CDH23: variants seen among roughly 807,000 people sequenced by gnomAD.
CDH23 encodes cadherin-23.
Under a neutral mutation model 317.1 loss-of-function variants are expected in CDH23, and 189 were observed. The ratio of observed to expected loss-of-function variants is 0.60; its 90% confidence interval spans 0.53 to 0.67. The LOEUF (loss-of-function observed/expected upper bound fraction) is 0.67. Among genes scored for constraint, CDH23 ranks in the 30% least tolerant of loss-of-function variants. The pLI is 0.00. For synonymous variants in CDH23, 1,839 were observed against 1,876.8 expected (o/e 0.98, Z 0.52); for missense variants, 4,401 against 4,592.4 (o/e 0.96, Z 1.20).
chr10:71,743,643 G>C (rs1040423690), intron 38 of CDH23, among the ~76,000 whole-genome samples: 1 of 152,156 alleles, frequency 6.6e-6, no homozygotes, highest in Non-Finnish European at 1.5e-5. Flanking sequence ...GCAGGGTGGG[G>C]CTGGGGCAGA....
At chr10:71,418,512 C>T (rs1021500088) in intron 1 of CDH23, among the ~76,000 whole-genome samples, 2 of 152,134 alleles carry the variant, frequency 1.3e-5, no homozygotes, top group African/African-American at 4.8e-5. Context: ...GCCTTGTTAG[C>T]CCCAACTCAA....
intron 10 of CDH23, 82 bp from the exon 11 acceptor site, chr10:71,617,123 G>A: frequency 6.6e-7 from 1 of 1,508,336 alleles, no homozygotes; most frequent in Non-Finnish European, 8.9e-7. Context: ...ACAGTGGCTG[G>A]TGCTGAGAAA....
chr10:71,412,904 T>C (rs1013429594), intron 1 of CDH23, among the ~76,000 whole-genome samples: 3 of 152,232 alleles, frequency 2.0e-5, no homozygotes, highest in Non-Finnish European at 2.9e-5. Context: ...ATGTGTGATT[T>C]ACAGATATGT....
chr10:71,684,160 G>A (rs544408177), intron 18 of CDH23, among the ~76,000 whole-genome samples: 19 of 150,072 alleles, frequency 1.3e-4, no homozygotes, highest in African/African-American at 1.7e-4. Flanking sequence ...TAGAAACACC[G>A]AGGGTAGGGA....
intron 38 of CDH23, among the ~76,000 whole-genome samples, chr10:71,756,131 A>C (rs6480553): frequency 0.87 from 131,855 of 152,116 alleles, 57,264 homozygotes; most frequent in Middle Eastern, 0.93. Flanking sequence ...AATGTTTTTC[A>C]ATTTTAAACT....
intron 1 of CDH23, among the ~76,000 whole-genome samples, chr10:71,436,822 G>C (rs1849644985): frequency 6.6e-6 from 1 of 152,162 alleles, no homozygotes; most frequent in Non-Finnish European, 1.5e-5. Flanking sequence ...ATCTGGTTTG[G>C]AATGGCAGAG....
chr10:71,751,897 G>A lies in CDH23; in HGVS notation c.4845+9976G>A, dbSNP rs1366087436. On this transcript the variant is annotated intron_variant, in intron 38 of 69. Transcript: ENST00000224721. The surrounding 1 kb of genome is among the most constrained non-coding windows in gnomAD (Gnocchi z 4.9). ...ACCAGAATGGAAGGTCATCTGTGCT[G>A]TCCGGAGCGTGAACTCTGCCCTCCC... 2 of 1,540,970 alleles carry A rather than the reference G, an allele frequency of 1.3e-6. No homozygotes were observed. Among genetic ancestry groups the A allele is most frequent in the Admixed American group, 1.9e-5 (1 of 51,366 alleles).
chr10:71,623,255 G>T (rs185352808), intron 11 of CDH23, among the ~76,000 whole-genome samples: 2 of 152,248 alleles, frequency 1.3e-5, no homozygotes, highest in Non-Finnish European at 2.9e-5. Flanking sequence ...CTGAGGTTAA[G>T]TGGCATGGAA....
intron 8 of CDH23, among the ~76,000 whole-genome samples, chr10:71,572,838 T>A (rs1231152160): frequency 1.3e-5 from 2 of 152,192 alleles, no homozygotes; most frequent in Non-Finnish European, 2.9e-5. Context: ...CCCCCAGTAA[T>A]CAAGGTACCT....
chr10:71,403,454 TTTCC>T (rs1158827093), intron 1 of CDH23, among the ~76,000 whole-genome samples: 4,681 of 34,954 alleles, frequency 0.13, 575 homozygotes, highest in East Asian at 0.16. Flanking sequence ...CCTTCCTTCC[TTTCC>T]TTCCTTCCTT....
intron 1 of CDH23, among the ~76,000 whole-genome samples, chr10:71,427,232 A>AGAAAGAAAGAAAGG (rs1241420741): frequency 1.2e-5 from 1 of 85,190 alleles, no homozygotes; most frequent in African/African-American, 4.8e-5. Flanking sequence ...AAAGAAAGAA[A>AGAAAGAAAGAAAGG]GAAAGAAAGA....
chr10:71,723,681 T>G (rs1032032361), intron 28 of CDH23, among the ~76,000 whole-genome samples: 2 of 152,156 alleles, frequency 1.3e-5, no homozygotes, highest in African/African-American at 4.8e-5. Context: ...GAGAGGCTCC[T>G]GGGCTCTGAA....
At chr10:71,776,485 A>G (rs1342731153) in intron 38 of CDH23, among the ~76,000 whole-genome samples, 1 of 152,206 alleles carries the variant, frequency 6.6e-6, no homozygotes, top group Admixed American at 6.5e-5. Flanking sequence ...ATTTTATATT[A>G]GTCACTCATT....
At chr10:71,520,801 T>C (rs1176546986) in intron 6 of CDH23, among the ~76,000 whole-genome samples, 2 of 152,112 alleles carry the variant, frequency 1.3e-5, no homozygotes, top group African/African-American at 2.4e-5. Context: ...CCTAACAAGT[T>C]CAAGTATTAT....
At chr10:71,622,424 A>G (rs1465281712) in intron 11 of CDH23, among the ~76,000 whole-genome samples, 2 of 151,986 alleles carry the variant, frequency 1.3e-5, no homozygotes, top group Admixed American at 1.3e-4. Context: ...TTTTCTGTTC[A>G]GTTGTCCTAG....
At chr10:71,656,713 G>A (rs1334760804) in intron 14 of CDH23, among the ~76,000 whole-genome samples, 2 of 152,184 alleles carry the variant, frequency 1.3e-5, no homozygotes, top group African/African-American at 4.8e-5. Context: ...CTGGGATCCA[G>A]GTTGAAAATG....
chr10:71,466,503 TC>T (rs1168652948), intron 3 of CDH23, among the ~76,000 whole-genome samples: 1 of 152,134 alleles, frequency 6.6e-6, no homozygotes, highest in African/African-American at 2.4e-5. Flanking sequence ...TATGCGTGTG[TC>T]CCTGCTGATG....
chr10:71,787,622 T>C (rs761159766), intron 44 of CDH23, among the ~76,000 whole-genome samples: 3 of 152,228 alleles, frequency 2.0e-5, no homozygotes, highest in Non-Finnish European at 2.9e-5. Flanking sequence ...CTCCCACTTA[T>C]AAGTGAAAAT....
At chr10:71,596,528 A>G (rs953182261) in intron 9 of CDH23, among the ~76,000 whole-genome samples, 4 of 152,058 alleles carry the variant, frequency 2.6e-5, no homozygotes, top group Non-Finnish European at 5.9e-5. Context: ...TCAAGGCCAT[A>G]TGGTTGGTAA....
Sources: gnomAD v4.1 joint callset for allele counts (sites outside exome capture counted in the v4.1 genomes callset) on GRCh38, gnomAD v4.1.1 for gene constraint, Gnocchi (gnomAD v3.1) non-coding constraint, MANE v1.5 for transcripts, NCBI Gene and HGNC (gene_info 2026-07-23, HGNC 2026-07-21) for gene names.